Variants in SLC5A7 observed in about 807,000 individuals in gnomAD.
SLC5A7 encodes solute carrier family 5 member 7.
In SLC5A7, 19 loss-of-function variants were observed where a neutral mutation model predicts 55.4. The ratio of observed to expected loss-of-function variants is 0.34; its 90% confidence interval spans 0.24 to 0.50. The LOEUF (loss-of-function observed/expected upper bound fraction) is 0.50. SLC5A7 is among the 20% of genes least tolerant of loss of function. The pLI, the probability that SLC5A7 is intolerant of heterozygous loss-of-function variation, is 0.98. For missense variants in SLC5A7, 506 were observed against 705.3 expected, an observed-to-expected ratio of 0.72 and a Z score of 3.20; for synonymous variants, 265 against 263.7, an observed-to-expected ratio of 1.00 and a Z score of -0.05.
At chr2:107,989,071 T>C (rs1190337887) in intron 2 of SLC5A7, among the ~76,000 whole-genome samples, 1 of 152,218 alleles carries the variant, frequency 6.6e-6, no homozygotes, top group Non-Finnish European at 1.5e-5. Flanking sequence ...TGCACTAAAG[T>C]GGTTCTGTTT....
Position 108,011,363 on chromosome 2 carries a change from T to C in SLC5A7, c.*502T>C, listed in dbSNP as rs1204473503. 6.6e-6 allele frequency: 1 copy of C among 152,364 alleles called. No individual in the cohort carries two copies. The highest frequency in any genetic ancestry group is 2.4e-5 in the African/African-American group (1 of 41,460). The allele number at this position is 152,364 out of a possible 1,614,324, so 9.4% of individuals were successfully genotyped here. A position where few individuals can be genotyped will look rare whatever the true frequency, so the allele number is the denominator to read the frequency against. On this transcript the variant is annotated 3_prime_UTR_variant, in exon 9 of 9. Transcript: ENST00000264047. ...TTAGTGTGATGATTAACCCCTTCTT[T>C]CATGTTCTGAGCTATAACATTTGCT...
rs1054170676 is a variant in SLC5A7, at chr2:107,988,268, G to T, written c.113G>T (p.Arg38Leu). ...AAAAACAGTGGCAGCGCAGAAGAGC[G>T]CAGCGAAGCCATCATAGTTGGTGGC... is the stretch of plus-strand genomic sequence containing the variant. ...RTKNSGSAEE[R>L]SEAIIVGGRD... Residue 38 changes from arginine to leucine, a missense_variant, in exon 2 of 9, where the codon CGC becomes CTC. Arg to Leu is a moderately radical substitution (Grantham distance 102). This residue lies in a region of SLC5A7 where 56 missense variants were observed against 62.6 expected (regional missense o/e 0.89). Coordinates refer to ENST00000264047, the MANE Select transcript of SLC5A7 (RefSeq NM_021815.5). 3 of 1,614,024 alleles carry T rather than the reference G, an allele frequency of 1.9e-6. No individual in the cohort carries two copies. In the Admixed American group the frequency reaches 5.0e-5, roughly 27 times the overall value.
At chr2:107,996,327 A>G (rs553856220) in intron 4 of SLC5A7, among the ~76,000 whole-genome samples, 21 of 152,148 alleles carry the variant, frequency 1.4e-4, no homozygotes, top group Non-Finnish European at 2.1e-4. Flanking sequence ...TCATTCTCCA[A>G]CTTCTTACTA....
At position 108,006,043 on chromosome 2, in the gene SLC5A7, G is replaced by C; in HGVS notation, c.742-6G>C. 2 of 1,613,652 alleles carry C rather than the reference G, an allele frequency of 1.2e-6. No homozygotes were observed. The highest frequency in any genetic ancestry group is 1.7e-6 in the Non-Finnish European group (2 of 1,179,820). On this transcript the variant is annotated splice_region_variant and splice_polypyrimidine_tract_variant and intron_variant, in intron 6 of 8. Transcript: ENST00000264047. ...TTGCCTCTCCATCCTTGTGTTTCCC[G>C]CACAGATGCTGGGTGGAATCCCATG...
intron 5 of SLC5A7, among the ~76,000 whole-genome samples, chr2:108,000,089 A>G (rs1265024047): frequency 1.3e-5 from 2 of 151,964 alleles, no homozygotes; most frequent in Non-Finnish European, 2.9e-5. Context: ...ATCCATCTTT[A>G]TCTCTCCCAT....
At chr2:108,001,442 G>A (rs1287582723) in intron 5 of SLC5A7, among the ~76,000 whole-genome samples, 2 of 152,036 alleles carry the variant, frequency 1.3e-5, no homozygotes, top group Admixed American at 1.3e-4. Flanking sequence ...GGGAGGCCGA[G>A]GCGGGCGGAT....
chr2:108,010,237 G>T lies in SLC5A7; in HGVS notation c.1119G>T (p.Ser373=). ...IYQLSFRQNA[S]DKEIVWVMRI... ...ACTGTGGCAATTTCTTACAGGCTTCGGACAAAGAAATCGTTTGGGTTATGC... is the reference window on the plus strand; with the variant it reads ...ACTGTGGCAATTTCTTACAGGCTTCTGACAAAGAAATCGTTTGGGTTATGC... The change falls in exon 9 of 9, where the codon TCG becomes TCT. Residue 373 remains serine (S), a synonymous_variant. Coordinates refer to ENST00000264047, the MANE Select transcript of SLC5A7 (RefSeq NM_021815.5). 2.5e-6 allele frequency: 4 copies of T among 1,611,894 alleles called. No individual in the cohort carries two copies. The South Asian group carries it at 4.4e-5, about 18-fold the overall frequency.
intron 1 of SLC5A7, among the ~76,000 whole-genome samples, chr2:107,987,011 G>T (rs1677270638): frequency 6.6e-6 from 1 of 152,094 alleles, no homozygotes; most frequent in Non-Finnish European, 1.5e-5. Flanking sequence ...GGGCTGCTGC[G>T]GAGAGGAACT....
At chr2:108,000,991 A>G (rs116668917) in intron 5 of SLC5A7, among the ~76,000 whole-genome samples, 1,457 of 136,060 alleles carry the variant, frequency 0.011, 30 homozygotes, top group African/African-American at 0.04. Flanking sequence ...TGCAATGTCC[A>G]GTCTCGGCTC....
chr2:107,995,470 A>AGAGAGAGAGTGTGTGT (rs1405177003), intron 4 of SLC5A7, among the ~76,000 whole-genome samples: 1 of 137,166 alleles, frequency 7.3e-6, no homozygotes, highest in African/African-American at 2.8e-5. Context: ...AGAGAGAGAG[A>AGAGAGAGAGTGTGTGT]GTGTGTGTGT....
rs554391102 is a variant in SLC5A7 at position 108,001,363 on chromosome 2, G to A, written c.598-534G>A. ...CTGCTGCTATAGTTTGTATGACATG[G>A]TATAATCAAGCATAGAAATAGTCAA... is the stretch of plus-strand genomic sequence containing the variant. On this transcript the variant is annotated intron_variant, in intron 5 of 8. Coordinates refer to ENST00000264047, the MANE Select transcript of SLC5A7 (RefSeq NM_021815.5). Among the ~76,000 whole-genome samples, 26 of 152,202 alleles carry A rather than the reference G, an allele frequency of 1.7e-4. 1 individual carries two copies. The South Asian group carries it at 5.4e-3, about 32-fold the overall frequency.
intron 5 of SLC5A7, among the ~76,000 whole-genome samples, chr2:108,000,650 A>G (rs985779918): frequency 6.6e-6 from 1 of 152,038 alleles, no homozygotes; most frequent in Non-Finnish European, 1.5e-5. Flanking sequence ...GCTGGAGTGC[A>G]GTGGCTCAAT....
rs1677312491 is a variant in SLC5A7 at position 107,987,993 on chromosome 2, A to T, written c.-51-112A>T. 5 of 562,656 alleles carry T rather than the reference A, an allele frequency of 8.9e-6. No homozygotes were observed. The East Asian group carries it at 1.4e-4, about 16-fold the overall frequency. 34.9% of individuals were successfully genotyped at this position (562,656 alleles called of 1,614,324 possible). ...GTTTCACGTGTGGTTTCAGGGTTGT[A>T]CTCTTTCTGTGAGTGGCACAGGATC... On this transcript the variant is annotated intron_variant, in intron 1 of 8. Coordinates refer to ENST00000264047, the MANE Select transcript of SLC5A7 (RefSeq NM_021815.5).
intron 2 of SLC5A7, 64 bp downstream of exon 2, chr2:107,988,397 G>A (rs578135397): frequency 1.0e-5 from 15 of 1,486,688 alleles, no homozygotes; most frequent in Admixed American, 9.4e-5. Context: ...AGTGTGCAGC[G>A]TGTGGCTTCA....
chr2:108,009,446 G>T (rs1678233427), intron 8 of SLC5A7, among the ~76,000 whole-genome samples: 1 of 151,928 alleles, frequency 6.6e-6, no homozygotes, highest in Non-Finnish European at 1.5e-5. Context: ...CGTCCTCTAA[G>T]TTCCTTCCTT....
chr2:108,003,343 A>G (rs1379319793), intron 6 of SLC5A7, among the ~76,000 whole-genome samples: 1 of 152,240 alleles, frequency 6.6e-6, no homozygotes, highest in Non-Finnish European at 1.5e-5. Flanking sequence ...TTTCCCCTAC[A>G]GCACACTTTA....
chr2:107,995,649 T>G lies in SLC5A7; in HGVS notation c.449-2189T>G, dbSNP rs1677645272. Among the ~76,000 whole-genome samples, 3 of 152,174 alleles carry G rather than the reference T, an allele frequency of 2.0e-5. No homozygotes were observed. The South Asian group carries it at 6.2e-4, about 31-fold the overall frequency. The stretch of plus-strand genomic sequence containing the variant: ...ATAAAAAGTAATAGTTGGATTTAAT[T>G]AAAATTTAGTGTTTATTACAAATAA... On this transcript the variant is annotated intron_variant, in intron 4 of 8. Transcript: ENST00000264047.
rs569940144 is a variant in SLC5A7, at chr2:108,004,053, T to C, written c.742-1996T>C. Among the ~76,000 whole-genome samples, 5 of 152,266 alleles carry C rather than the reference T, an allele frequency of 3.3e-5. No individual in the cohort carries two copies. The South Asian group carries it at 1.0e-3, about 32-fold the overall frequency. On this transcript the variant is annotated intron_variant, in intron 6 of 8. Transcript: ENST00000264047. ...GGCTCCACCCTCATGACCTGATTAT[T>C]TCCCAAAGACCCCACCTCTGAATAG...
rs1287734210 is a variant in SLC5A7 at position 108,006,044 on chromosome 2, C to T, written c.742-5C>T. 1.9e-6 allele frequency: 3 copies of T among 1,613,964 alleles called. No homozygotes were observed. The highest frequency in any genetic ancestry group is 2.2e-5 in the South Asian group (2 of 91,060). ...TGCCTCTCCATCCTTGTGTTTCCCGCACAGATGCTGGGTGGAATCCCATGG... is the reference window on the plus strand; with the variant it reads ...TGCCTCTCCATCCTTGTGTTTCCCGTACAGATGCTGGGTGGAATCCCATGG... On this transcript the variant is annotated splice_region_variant and splice_polypyrimidine_tract_variant and intron_variant, in intron 6 of 8. Transcript: ENST00000264047.
Sources: allele counts gnomAD v4.1 joint callset (sites outside exome capture counted in the v4.1 genomes callset), GRCh38; gene constraint gnomAD v4.1.1; regional missense constraint gnomAD v4.1.1; transcripts MANE v1.5; gene names NCBI Gene and HGNC (gene_info 2026-07-23, HGNC 2026-07-21).